Variants in ITSN1 observed in about 807,000 individuals in gnomAD.
ITSN1 encodes the protein intersectin 1, also known as intersectin-1.
A neutral mutation model predicts 239.8 loss-of-function variants in ITSN1; 58 were observed. The observed-to-expected ratio is 0.24, with a 90% CI of 0.20 to 0.30. ITSN1 has a LOEUF of 0.30. ITSN1 is among the 10% of genes least tolerant of loss of function. The pLI is 1.00. For missense variants in ITSN1, 1,558 were observed against 2,103.3 expected (o/e 0.74, Z 5.07); for synonymous variants, 780 against 770.8 (o/e 1.01, Z -0.20).
At chr21:33,704,274 C>A (rs2092149876) in intron 1 of ITSN1, among the ~76,000 whole-genome samples, 2 of 152,092 alleles carry the variant, frequency 1.3e-5, no homozygotes, top group African/African-American at 4.8e-5. Context: ...AATCTTAATT[C>A]CCCCATTTTG....
At chr21:33,700,926 A>G (rs2091977427) in intron 1 of ITSN1, among the ~76,000 whole-genome samples, 1 of 150,638 alleles carries the variant, frequency 6.6e-6, no homozygotes, top group African/African-American at 2.5e-5. Flanking sequence ...ATGTATTAGT[A>G]GTACATGTAG....
chr21:33,762,948 G>A (rs953261018), intron 9 of ITSN1, among the ~76,000 whole-genome samples: 5 of 152,066 alleles, frequency 3.3e-5, no homozygotes, highest in Admixed American at 2.6e-4. Context: ...CCGGGGGTGA[G>A]CACTGCGCCT....
At chr21:33,837,948 G>C in intron 29 of ITSN1, 2 of 985,586 alleles carry the variant, frequency 2.0e-6, no homozygotes, top group Non-Finnish European at 2.4e-6. Flanking sequence ...TTTTATTCCA[G>C]TTACTTTTCA....
intron 9 of ITSN1, among the ~76,000 whole-genome samples, chr21:33,762,807 G>A (rs1158801945): frequency 4.6e-5 from 7 of 151,848 alleles, no homozygotes; most frequent in Admixed American, 4.6e-4. Context: ...GGGACTGCAG[G>A]CATGAACCCC....
At chr21:33,790,300 G>A (rs2071012261) in intron 16 of ITSN1, among the ~76,000 whole-genome samples, 2 of 148,224 alleles carry the variant, frequency 1.3e-5, no homozygotes, top group South Asian at 4.3e-4. Flanking sequence ...TAATATATGT[G>A]TGTAGTATAT....
chr21:33,723,582 C>G lies in ITSN1; in HGVS notation c.185+931C>G, dbSNP rs192570316. On this transcript the variant is annotated intron_variant, in intron 4 of 39. Coordinates refer to ENST00000381318, the MANE Select transcript of ITSN1 (RefSeq NM_003024.3). ...TGAGCCGAGATCATGCCACTGCACTCCAGCCTGGGCGACAGAGCGAGACTC... is the reference window on the plus strand; with the variant it reads ...TGAGCCGAGATCATGCCACTGCACTGCAGCCTGGGCGACAGAGCGAGACTC... Among the ~76,000 whole-genome samples the G allele has an allele frequency of 2.9e-3, 440 of 152,244 alleles. 2 individuals carry two copies. Among genetic ancestry groups the G allele is most frequent in the African/African-American group, 0.01 (428 of 41,542 alleles).
chr21:33,660,457 A>G (rs2089464693), intron 1 of ITSN1, among the ~76,000 whole-genome samples: 1 of 152,138 alleles, frequency 6.6e-6, no homozygotes, highest in African/African-American at 2.4e-5. Context: ...ACATGTTAAC[A>G]TAAATAACAT....
At chr21:33,776,362 G>A (rs906842244) in intron 14 of ITSN1, among the ~76,000 whole-genome samples, 22 of 149,266 alleles carry the variant, frequency 1.5e-4, no homozygotes, top group Admixed American at 9.4e-4. Flanking sequence ...GACCAGCCTG[G>A]GAAACATAGC....
rs1230284280 is a variant in ITSN1 at position 33,722,571 on chromosome 21, T to G, written c.122-17T>G. On this transcript the variant is annotated splice_polypyrimidine_tract_variant and intron_variant, in intron 3 of 39. Coordinates refer to ENST00000381318, the MANE Select transcript of ITSN1 (RefSeq NM_003024.3). Reference sequence around the variant, plus strand: ...TTTTTTTTTTTTTTCCTGAAACTTTTTCTGTTTAATTTACAGGTGATCAAG... The same window carrying G: ...TTTTTTTTTTTTTTCCTGAAACTTTGTCTGTTTAATTTACAGGTGATCAAG... 2 of 1,556,298 alleles carry G rather than the reference T, an allele frequency of 1.3e-6. No individual in the cohort carries two copies. Among genetic ancestry groups the G allele is most frequent in the Non-Finnish European group, 1.7e-6 (2 of 1,161,740 alleles).
intron 22 of ITSN1, among the ~76,000 whole-genome samples, chr21:33,816,110 T>C (rs930291467): frequency 3.9e-5 from 6 of 152,054 alleles, no homozygotes; most frequent in Non-Finnish European, 7.4e-5. Context: ...GGAGTATCAC[T>C]TGAACCTGGG....
chr21:33,810,255 C>T (rs2068259117), intron 20 of ITSN1, among the ~76,000 whole-genome samples: 1 of 152,180 alleles, frequency 6.6e-6, no homozygotes, highest in Admixed American at 6.5e-5. Flanking sequence ...AAGCATTTGG[C>T]GTAATAAATG....
chr21:33,827,401 AAAAAT>A (rs576676036), intron 26 of ITSN1, among the ~76,000 whole-genome samples: 3 of 152,214 alleles, frequency 2.0e-5, no homozygotes, highest in East Asian at 3.9e-4. Context: ...CTCTATCTCA[AAAAAT>A]AAAATAAAAT....
intron 19 of ITSN1, among the ~76,000 whole-genome samples, chr21:33,801,071 G>A (rs140675782): frequency 1.0e-3 from 155 of 151,256 alleles, no homozygotes; most frequent in Middle Eastern, 3.4e-3. Flanking sequence ...GGGTTTCTCC[G>A]TGTTGCCCAG....
chr21:33,845,940 C>T (rs957696321), intron 29 of ITSN1, among the ~76,000 whole-genome samples: 2 of 152,226 alleles, frequency 1.3e-5, no homozygotes, highest in Non-Finnish European at 2.9e-5. Flanking sequence ...CGTGGGCCCA[C>T]GTCAGCAGGA....
chr21:33,739,582 GAGAC>G (rs1215516739), intron 5 of ITSN1, among the ~76,000 whole-genome samples: 1 of 152,164 alleles, frequency 6.6e-6, no homozygotes, highest in Non-Finnish European at 1.5e-5. Flanking sequence ...TAATAGTAGA[GAGAC>G]AGAGAGAGAG....
intron 9 of ITSN1, 102 bp from the exon 10 acceptor site, chr21:33,765,773 G>T: frequency 8.5e-7 from 1 of 1,170,586 alleles, no homozygotes; most frequent in Middle Eastern, 2.0e-4. Context: ...AGACTCAGTT[G>T]GCCTGTGGTC....
At chr21:33,677,661 G>C (rs2146467741) in intron 1 of ITSN1, among the ~76,000 whole-genome samples, 1 of 152,186 alleles carries the variant, frequency 6.6e-6, no homozygotes, top group East Asian at 1.9e-4. Flanking sequence ...TCTTGATGCT[G>C]TCCCCACCCT....
intron 19 of ITSN1, among the ~76,000 whole-genome samples, chr21:33,800,785 A>ATT (rs144141328): frequency 7.0e-6 from 1 of 142,178 alleles, no homozygotes; most frequent in African/African-American, 2.6e-5. Context: ...TACTCTTAAC[A>ATT]TTTTTTTTTT....
chr21:33,705,847 A>G (rs538686472), intron 1 of ITSN1, among the ~76,000 whole-genome samples: 1 of 152,276 alleles, frequency 6.6e-6, no homozygotes, highest in African/African-American at 2.4e-5. Context: ...TTCTCCTATC[A>G]TTCTAAATTG....
Sources: allele counts gnomAD v4.1 joint callset (sites outside exome capture counted in the v4.1 genomes callset), GRCh38; gene constraint gnomAD v4.1.1; transcripts MANE v1.5; gene names NCBI Gene and HGNC (gene_info 2026-07-23, HGNC 2026-07-21).